The following AGRN variants were observed in gnomAD, a reference collection of about 807,000 sequenced individuals.
AGRN encodes the protein agrin proteoglycan.
AGRN carries 106 observed loss-of-function variants against 211.0 expected under a neutral mutation model. The observed-to-expected ratio is 0.50, with a 90% CI of 0.43 to 0.59. The LOEUF is 0.59. Among genes scored for constraint, AGRN ranks in the 20% least tolerant of loss-of-function variants. The pLI is 0.00. For synonymous variants in AGRN, 1,525 were observed against 1,332.5 expected (o/e 1.14, Z -3.15); for missense variants, 3,040 against 2,982.6 (o/e 1.02, Z -0.45).
Position 1,041,174 on chromosome 1 carries a change from C to G in AGRN, c.729C>G (p.Gly243=), listed in dbSNP as rs191270495. The G allele has an allele frequency of 2.2e-3, 3,137 of 1,399,664 alleles. 61 individuals are homozygous for G. Among genetic ancestry groups the G allele is most frequent in the African/African-American group, 0.021 (1,277 of 61,840 alleles). The allele number at this position is 1,399,664 out of a possible 1,614,324, so 86.7% of individuals were successfully genotyped here. ...TGACCGGCAAAGCCCCGCCCGCAGG[C>G]TCGCGGGACCCCTGCTCCAACGTGA... ...RIRLLSRGPC[G]SRDPCSNVTC... The change falls in exon 5 of 36, where the codon GGC becomes GGG. Residue 243 remains glycine (G), a splice_region_variant and synonymous_variant. Transcript: ENST00000379370.
At chr1:1,044,765 C>T (rs1645043982) in intron 12 of AGRN, among the ~76,000 whole-genome samples, 1 of 152,114 alleles carries the variant, frequency 6.6e-6, no homozygotes, top group Admixed American at 6.5e-5. Context: ...AAAGTGGTGC[C>T]CGGTGTGTGT....
intron 3 of AGRN, among the ~76,000 whole-genome samples, chr1:1,036,632 G>C (rs1644810487): frequency 6.6e-6 from 1 of 152,270 alleles, no homozygotes; most frequent in African/African-American, 2.4e-5. Context: ...AATGGTGGCT[G>C]TGGGAACCCG....
At position 1,049,828 on chromosome 1, in the gene AGRN, A is replaced by G. The variant is rs762491059; in HGVS notation, c.4744+33A>G. 37 of 1,607,094 alleles carry G rather than the reference A, an allele frequency of 2.3e-5. 1 individual carries two copies. The highest frequency in any genetic ancestry group is 1.0e-4 in the Admixed American group (6 of 59,526). ...TGGGGCCGGGGCGGGTGGGAGTGGG[A>G]CCCCGGGGCCTGTGGGCGGTACCCA... On this transcript the variant is annotated intron_variant, in intron 26 of 35. Transcript: ENST00000379370.
chr1:1,043,072 G>A (rs973478362), intron 7 of AGRN, among the ~76,000 whole-genome samples, 167 bp from the exon 8 acceptor site: 1 of 152,142 alleles, frequency 6.6e-6, no homozygotes, highest in Non-Finnish European at 1.5e-5. Context: ...TCTGCCGCGT[G>A]TCTGTCCCTT....
At position 1,032,945 on chromosome 1, in the gene AGRN, G is replaced by A. The variant is rs1462227893; in HGVS notation, c.464-2332G>A. 6.6e-6 allele frequency among the ~76,000 whole-genome samples: 1 copy of A among 152,036 alleles called. No individual in the cohort carries two copies. The highest frequency in any genetic ancestry group is 6.5e-5 in the Admixed American group (1 of 15,282). On this transcript the variant is annotated intron_variant, in intron 2 of 35. Coordinates refer to ENST00000379370, the MANE Select transcript of AGRN (RefSeq NM_198576.4). This position sits in a 1 kb window ranked among gnomAD's most constrained non-coding sequence, Gnocchi z 4.7. The stretch of plus-strand genomic sequence containing the variant: ...CCGGACGGGCCCCTCCCTTACCCCC[G>A]GATCCCCCGGCTGGGCAGCGGCCAG...
At chr1:1,027,690 G>A (rs1644549526) in intron 2 of AGRN, among the ~76,000 whole-genome samples, 1 of 152,208 alleles carries the variant, frequency 6.6e-6, no homozygotes. Context: ...TCACATGCCT[G>A]CGGGACCTCG....
chr1:1,046,369 C>A (rs917801075), intron 17 of AGRN, 28 bp from the exon 18 acceptor site: 14 of 1,601,814 alleles, frequency 8.7e-6, no homozygotes, highest in South Asian at 1.1e-5. Context: ...CCCAACCGGT[C>A]CCCCCGCCAA....
chr1:1,049,464 G>A lies in AGRN; in HGVS notation c.4514+13G>A. 2 of 1,600,484 alleles carry A rather than the reference G, an allele frequency of 1.2e-6. No homozygotes were observed. The highest frequency in any genetic ancestry group is 1.7e-6 in the Non-Finnish European group (2 of 1,179,612). On this transcript the variant is annotated intron_variant, in intron 25 of 35. Coordinates refer to ENST00000379370, the MANE Select transcript of AGRN (RefSeq NM_198576.4). The stretch of plus-strand genomic sequence containing the variant: ...ACCAGGCTGCCGTGTGAGTCCCTTG[G>A]AGGGTGGTGTGGCCCCGACCCCGGC...
chr1:1,028,421 G>A lies in AGRN; in HGVS notation c.463+5959G>A, dbSNP rs116856357. On this transcript the variant is annotated intron_variant, in intron 2 of 35. Coordinates refer to ENST00000379370, the MANE Select transcript of AGRN (RefSeq NM_198576.4). ...TTGGTTGGGGTTGGGGGCACCGAGC[G>A]TTTGGGTGGACCGGAAGTCAGCGTC... 2.1e-4 allele frequency among the ~76,000 whole-genome samples: 31 copies of A among 149,860 alleles called. No homozygotes were observed. In the East Asian group the frequency reaches 4.4e-3, roughly 21 times the overall value.
Position 1,022,197 on chromosome 1 carries a change from C to G in AGRN, c.202-4C>G, listed in dbSNP as rs907583629. On this transcript the variant is annotated splice_region_variant and splice_polypyrimidine_tract_variant and intron_variant, in intron 1 of 35. Coordinates refer to ENST00000379370, the MANE Select transcript of AGRN (RefSeq NM_198576.4). The stretch of plus-strand genomic sequence containing the variant: ...AATGACACCTACCGCCATGTCCACC[C>G]CAGGTTCGGGTCTGGCGGTACTTGA... The G allele has an allele frequency of 6.2e-7, 1 of 1,612,960 alleles. No homozygotes were observed. Among genetic ancestry groups the G allele is most frequent in the East Asian group, 2.2e-5 (1 of 44,888 alleles).
intron 1 of AGRN, 79 bp downstream of exon 1, chr1:1,020,452 A>T: frequency 7.3e-7 from 1 of 1,364,286 alleles, no homozygotes; most frequent in East Asian, 3.1e-5. Context: ...CGTGGGAACC[A>T]GCCCCGGTCG....
intron 9 of AGRN, 25 bp from the exon 10 acceptor site, chr1:1,043,798 C>T (rs984741019): frequency 6.2e-7 from 1 of 1,608,956 alleles, no homozygotes. Context: ...GCCTGCCGAC[C>T]CCTGCCTGGC....
chr1:1,051,488 G>A lies in AGRN; in HGVS notation c.5406G>A (p.Glu1802=), dbSNP rs773716704. 5.1e-6 allele frequency: 8 copies of A among 1,570,512 alleles called. No homozygotes were observed. The highest frequency in any genetic ancestry group is 6.0e-6 in the Non-Finnish European group (7 of 1,161,914). ...SLGGRQLLTP[E]HVLRQVDVTS... ...GAGGCCGCCAGCTGCTGACCCCGGA[G>A]CACGTGCTGCGGCAGGTGGACGTCA... The change falls in exon 32 of 36, where the codon GAG becomes GAA. Residue 1802 remains glutamate, a synonymous_variant. Coordinates refer to ENST00000379370, the MANE Select transcript of AGRN (RefSeq NM_198576.4).
chr1:1,047,310 C>T lies in AGRN; in HGVS notation c.3389-17C>T. 1 of 1,589,480 alleles carries T rather than the reference C, an allele frequency of 6.3e-7. No individual in the cohort carries two copies. The highest frequency in any genetic ancestry group is 8.6e-7 in the Non-Finnish European group (1 of 1,168,922). ...CAGGCAGATGCCAGGCAGGGCCTCA[C>T]TGTACCTCCCCCACAGCCACCAAGG... On this transcript the variant is annotated splice_polypyrimidine_tract_variant and intron_variant, in intron 19 of 35. Transcript: ENST00000379370.
At position 1,043,261 on chromosome 1, in the gene AGRN, C is replaced by T. The variant is rs757288952; in HGVS notation, c.1407C>T (p.Leu469=). 9 of 1,609,524 alleles carry T rather than the reference C, an allele frequency of 5.6e-6. No individual in the cohort carries two copies. The highest frequency in any genetic ancestry group is 1.7e-5 in the Admixed American group (1 of 59,374). ...CAGACCAGGCCCCGTCCCCATGCCT[C>T]GGGGTGCAGTGTGCATTTGGGGCGA... ...GPCDQAPSPC[L]GVQCAFGATC... is the part of the protein sequence containing the mutation. The change falls in exon 8 of 36, where the codon CTC becomes CTT. Residue 469 remains leucine (L), a synonymous_variant. Coordinates refer to ENST00000379370, the MANE Select transcript of AGRN (RefSeq NM_198576.4).
At chr1:1,033,394 C>T (rs1052529578) in intron 2 of AGRN, among the ~76,000 whole-genome samples, 1 of 151,672 alleles carries the variant, frequency 6.6e-6, no homozygotes, top group African/African-American at 2.4e-5. Flanking sequence ...CGGTCGCACG[C>T]GGCCCCCCGA....
intron 30 of AGRN, 127 bp downstream of exon 30, chr1:1,050,964 CCT>C: frequency 6.5e-7 from 1 of 1,549,138 alleles, no homozygotes; most frequent in Non-Finnish European, 8.7e-7. Flanking sequence ...CCTGCCCTGT[CCT>C]CTGCCTCCTC....
intron 8 of AGRN, 26 bp from the exon 9 acceptor site, chr1:1,043,512 G>A (rs377016971): frequency 1.4e-5 from 23 of 1,602,188 alleles, no homozygotes; most frequent in East Asian, 2.2e-5. Context: ...GTTCCTGGTC[G>A]CCTGGTGATG....
chr1:1,051,198 C>T, intron 30 of AGRN, 55 bp from the exon 31 acceptor site: 2 of 1,549,798 alleles, frequency 1.3e-6, no homozygotes, highest in Non-Finnish European at 8.7e-7. Context: ...TGCCTGGGCC[C>T]TGGGTCTGCA....
Sources: allele counts gnomAD v4.1 joint callset (sites outside exome capture counted in the v4.1 genomes callset), GRCh38; gene constraint gnomAD v4.1.1; non-coding constraint Gnocchi (gnomAD v3.1); transcripts MANE v1.5; gene names NCBI Gene and HGNC (gene_info 2026-07-23, HGNC 2026-07-21).